Variants in WBP1L observed in about 807,000 individuals in gnomAD.
The protein encoded by WBP1L is WW domain binding protein 1 like, also known as WW domain binding protein 1-like.
WBP1L carries 17 observed loss-of-function variants against 33.7 expected under a neutral mutation model. The observed-to-expected ratio is 0.50, with a 90% CI of 0.34 to 0.76. The LOEUF (loss-of-function observed/expected upper bound fraction) is 0.76. Among genes scored for constraint, WBP1L ranks in the 30% least tolerant of loss-of-function variants. The probability of loss-of-function intolerance (pLI) is 0.01; values close to 1 mark genes in which losing one functional copy is unlikely to be tolerated. For synonymous variants in WBP1L, 173 were observed against 190.8 expected (o/e 0.91, Z 0.77); for missense variants, 389 against 469.4 (o/e 0.83, Z 1.58).
intron 2 of WBP1L, among the ~76,000 whole-genome samples, chr10:102,800,152 A>G (rs1446140917): frequency 6.6e-6 from 1 of 152,230 alleles, no homozygotes. Context: ...CTCTGTTTAA[A>G]TGTTTTAAAA....
At chr10:102,806,046 C>CA (rs35914806) in intron 2 of WBP1L, among the ~76,000 whole-genome samples, 27,228 of 136,616 alleles carry the variant, frequency 0.2, 2,607 homozygotes, top group Admixed American at 0.26. Flanking sequence ...ACTAAAAATA[C>CA]AAAAAAAAAA....
At chr10:102,771,063 T>C (rs1242917003) in intron 1 of WBP1L, among the ~76,000 whole-genome samples, 1 of 152,204 alleles carries the variant, frequency 6.6e-6, no homozygotes, top group Non-Finnish European at 1.5e-5. Context: ...TTGTTGTGGC[T>C]GTGAGATACT....
intron 1 of WBP1L, among the ~76,000 whole-genome samples, chr10:102,760,375 TC>T (rs1262345742): frequency 0.057 from 4,620 of 81,046 alleles, 133 homozygotes; most frequent in African/African-American, 0.15. Context: ...TTTCTTTCTT[TC>T]TTTTTTTTTT....
At chr10:102,746,981 G>T (rs553010467) in intron 1 of WBP1L, among the ~76,000 whole-genome samples, 1 of 152,282 alleles carries the variant, frequency 6.6e-6, no homozygotes, top group South Asian at 2.1e-4. Context: ...AAGTTCATCA[G>T]CTAGTTCATT....
chr10:102,795,789 C>G (rs987396927), intron 1 of WBP1L, among the ~76,000 whole-genome samples: 3 of 152,174 alleles, frequency 2.0e-5, no homozygotes, highest in African/African-American at 7.2e-5. Context: ...GCCTGGTAAA[C>G]TGGGGAGAAA....
chr10:102,787,261 C>T (rs534200818), intron 1 of WBP1L, among the ~76,000 whole-genome samples: 2 of 152,164 alleles, frequency 1.3e-5, no homozygotes, highest in Admixed American at 6.5e-5. Flanking sequence ...AGAAAGGATA[C>T]GAAAGTAGTA....
chr10:102,790,206 C>T (rs1843476453), intron 1 of WBP1L, among the ~76,000 whole-genome samples: 1 of 151,978 alleles, frequency 6.6e-6, no homozygotes. Flanking sequence ...TTCTCTAGTT[C>T]ATCAATTTCC....
At chr10:102,780,474 G>A (rs1165413336) in intron 1 of WBP1L, among the ~76,000 whole-genome samples, 1 of 152,158 alleles carries the variant, frequency 6.6e-6, no homozygotes, top group East Asian at 1.9e-4. Context: ...TGATTTGAAC[G>A]AATTCTATTT....
chr10:102,778,094 C>A (rs1044967975), intron 1 of WBP1L, among the ~76,000 whole-genome samples: 1 of 152,198 alleles, frequency 6.6e-6, no homozygotes, highest in Non-Finnish European at 1.5e-5. Flanking sequence ...TGAACCTCAT[C>A]TCTGAGGTCA....
intron 2 of WBP1L, among the ~76,000 whole-genome samples, chr10:102,799,214 T>C (rs2134059571): frequency 6.6e-6 from 1 of 152,086 alleles, no homozygotes; most frequent in Non-Finnish European, 1.5e-5. Flanking sequence ...CAGTCCCAGC[T>C]ACTCAGGAGG....
At chr10:102,787,940 G>A (rs1040878148) in intron 1 of WBP1L, among the ~76,000 whole-genome samples, 12 of 151,382 alleles carry the variant, frequency 7.9e-5, no homozygotes, top group South Asian at 4.2e-4. Context: ...TTAGCTGGGC[G>A]TGGTGGTGCA....
intron 1 of WBP1L, among the ~76,000 whole-genome samples, chr10:102,748,896 G>T (rs938547125): frequency 6.6e-6 from 1 of 152,252 alleles, no homozygotes; most frequent in African/African-American, 2.4e-5. Context: ...ATAAGCATGG[G>T]TAGAGTATGG....
chr10:102,751,584 A>C (rs918289515), intron 1 of WBP1L, among the ~76,000 whole-genome samples: 3 of 152,344 alleles, frequency 2.0e-5, no homozygotes, highest in African/African-American at 4.8e-5. Flanking sequence ...TTGGGATTAC[A>C]GGTGTGAGCC....
intron 1 of WBP1L, chr10:102,776,193 A>AG: frequency 6.8e-7 from 1 of 1,463,162 alleles, no homozygotes; most frequent in Non-Finnish European, 9.1e-7. Flanking sequence ...AGAGCCAGGC[A>AG]GGGGGAGTAG....
At chr10:102,744,263 C>T (rs1306962416) in intron 1 of WBP1L, 120 bp downstream of exon 1, 1 of 1,284,770 alleles carries the variant, frequency 7.8e-7, no homozygotes, top group Non-Finnish European at 1.0e-6. Context: ...GCGTCTATGC[C>T]TGGCGTGGAC....
rs1843931744 is a variant in WBP1L at position 102,815,781 on chromosome 10, T to C, written c.*2450T>C. 1 of 152,254 alleles carries C rather than the reference T, an allele frequency of 6.6e-6. No individual in the cohort carries two copies. Among genetic ancestry groups the C allele is most frequent in the Admixed American group, 6.5e-5 (1 of 15,282 alleles). The allele number at this position is 152,254 out of a possible 1,614,324, so 9.4% of individuals were successfully genotyped here. A position where few individuals can be genotyped will look rare whatever the true frequency, so the allele number is the denominator to read the frequency against. On this transcript the variant is annotated 3_prime_UTR_variant, in exon 4 of 4. Coordinates refer to ENST00000448841, the MANE Select transcript of WBP1L (RefSeq NM_001083913.2). ...ATGAGTTCTGAGCCTCTCAAGTTCC[T>C]TTCCCCAGTTAGAGTGGGGAACTGG...
chr10:102,749,463 TTCTC>T (rs1459354599), intron 1 of WBP1L, among the ~76,000 whole-genome samples: 1 of 151,574 alleles, frequency 6.6e-6, no homozygotes, highest in Non-Finnish European at 1.5e-5. Context: ...TCTTTTTTTT[TTCTC>T]TCTAATAAAA....
Position 102,768,367 on chromosome 10 carries a change from TTTTG to T in WBP1L, c.90+24228_90+24231del, listed in dbSNP as rs1564757960. The stretch of plus-strand genomic sequence containing the variant: ...TGAGCCATTGCGCCTGGCATTAGTT[TTTTG>T]TTTTTTTTTTTTTTTTTTTTTTTTT... On this transcript the variant is annotated intron_variant, in intron 1 of 3. Coordinates refer to ENST00000448841, the MANE Select transcript of WBP1L (RefSeq NM_001083913.2). 1.1e-4 allele frequency among the ~76,000 whole-genome samples: 2 copies of T among 18,572 alleles called. 1 individual carries two copies. The highest frequency in any genetic ancestry group is 8.7e-4 in the African/African-American group (2 of 2,308). The allele number at this position is 18,572 out of a possible 152,430, so 12.2% of individuals were successfully genotyped here. A position where few individuals can be genotyped will look rare whatever the true frequency, so the allele number is the denominator to read the frequency against.
At chr10:102,755,968 C>A (rs2482501) in intron 1 of WBP1L, among the ~76,000 whole-genome samples, 42,118 of 151,534 alleles carry the variant, frequency 0.28, 6,122 homozygotes, top group Admixed American at 0.3. Context: ...TGGCATGAAC[C>A]CGGGAGGCAG....
Sources: gnomAD v4.1 joint callset for allele counts (sites outside exome capture counted in the v4.1 genomes callset) on GRCh38, gnomAD v4.1.1 for gene constraint, MANE v1.5 for transcripts, NCBI Gene and HGNC (gene_info 2026-07-23, HGNC 2026-07-21) for gene names.